Variants in OPCML observed in about 807,000 individuals in gnomAD.
OPCML encodes opioid binding protein/cell adhesion molecule like, also known as opioid-binding protein/cell adhesion molecule.
Under a neutral mutation model 37.8 loss-of-function variants are expected in OPCML, and 13 were observed. The ratio of observed to expected loss-of-function variants is 0.34; its 90% CI spans 0.22 to 0.55. OPCML has a LOEUF of 0.55. Ranked by LOEUF, OPCML falls within the 20% of genes least tolerant of loss-of-function variation. The probability of loss-of-function intolerance (pLI) is 0.91; values close to 1 mark genes in which losing one functional copy is unlikely to be tolerated. For synonymous variants in OPCML, 176 were observed against 168.8 expected (o/e 1.04, Z -0.33); for missense variants, 341 against 435.6 (o/e 0.78, Z 1.93).
At chr11:132,537,644 T>C (rs555508601) in intron 3 of OPCML, among the ~76,000 whole-genome samples, 2 of 152,102 alleles carry the variant, frequency 1.3e-5, no homozygotes, top group African/African-American at 4.8e-5. Flanking sequence ...GAAAAGAAAA[T>C]CCACAAAATA....
At chr11:132,429,063 G>A (rs867101068) in intron 7 of OPCML, among the ~76,000 whole-genome samples, 2 of 151,506 alleles carry the variant, frequency 1.3e-5, no homozygotes, top group Non-Finnish European at 2.9e-5. Context: ...ATGGATGGAT[G>A]GATGGATGGA....
intron 2 of OPCML, among the ~76,000 whole-genome samples, chr11:132,922,594 C>T (rs1944844603): frequency 6.6e-6 from 1 of 152,104 alleles, no homozygotes; most frequent in South Asian, 2.1e-4. Flanking sequence ...AGCCAAAATT[C>T]TTCACTCTCC....
intron 1 of OPCML, among the ~76,000 whole-genome samples, chr11:133,356,930 A>G (rs1944304046): frequency 6.6e-6 from 1 of 152,226 alleles, no homozygotes. Context: ...CTTCCTTGTC[A>G]TCTTAGGAGC....
At chr11:133,524,568 A>T (rs1260765419) in intron 1 of OPCML, among the ~76,000 whole-genome samples, 2 of 152,234 alleles carry the variant, frequency 1.3e-5, no homozygotes, top group African/African-American at 2.4e-5. Flanking sequence ...TTTAGTTTGT[A>T]TTAAACCAAT....
chr11:132,946,573 C>A (rs140424195), intron 1 of OPCML, among the ~76,000 whole-genome samples: 78 of 152,250 alleles, frequency 5.1e-4, no homozygotes, highest in African/African-American at 1.9e-3. Flanking sequence ...CCACTGTAAT[C>A]TTTTCTATAC....
chr11:132,768,758 T>C (rs951337143), intron 2 of OPCML, among the ~76,000 whole-genome samples: 2 of 152,052 alleles, frequency 1.3e-5, no homozygotes, highest in Non-Finnish European at 2.9e-5. Context: ...CACCCTCTGC[T>C]CTGAGTGCCA....
At chr11:132,698,930 A>G (rs964531070) in intron 2 of OPCML, among the ~76,000 whole-genome samples, 1 of 152,140 alleles carries the variant, frequency 6.6e-6, no homozygotes, top group Non-Finnish European at 1.5e-5. Context: ...TAAAGATTGC[A>G]TTGAAATTGT....
chr11:133,329,591 G>T (rs926960685), intron 1 of OPCML, among the ~76,000 whole-genome samples: 1 of 152,168 alleles, frequency 6.6e-6, no homozygotes, highest in Non-Finnish European at 1.5e-5. Flanking sequence ...ATGGGGAAAG[G>T]ATTACCTATT....
intron 2 of OPCML, among the ~76,000 whole-genome samples, chr11:132,781,675 C>T (rs1258539313): frequency 1.3e-5 from 2 of 151,042 alleles, no homozygotes; most frequent in East Asian, 3.9e-4. Flanking sequence ...GGGGTGTTCA[C>T]ACCTGGATGA....
intron 2 of OPCML, among the ~76,000 whole-genome samples, chr11:132,705,974 A>C (rs1248548328): frequency 2.0e-5 from 3 of 151,860 alleles, no homozygotes; most frequent in Admixed American, 6.6e-5. Flanking sequence ...CGCCCAGCTA[A>C]TTTTTGTATC....
intron 2 of OPCML, among the ~76,000 whole-genome samples, chr11:132,841,415 T>G (rs911441048): frequency 2.0e-5 from 3 of 152,168 alleles, no homozygotes; most frequent in Admixed American, 6.5e-5. Flanking sequence ...TCTAGCCCAC[T>G]GTAGAGGGCC....
chr11:133,143,896 C>A (rs1949860590), intron 1 of OPCML, among the ~76,000 whole-genome samples: 1 of 152,120 alleles, frequency 6.6e-6, no homozygotes, highest in Non-Finnish European at 1.5e-5. Flanking sequence ...TTCTAAGAGG[C>A]AGGAAGAGGT....
At chr11:133,305,969 G>A (rs1056062502) in intron 1 of OPCML, among the ~76,000 whole-genome samples, 47 of 152,158 alleles carry the variant, frequency 3.1e-4, no homozygotes, top group African/African-American at 8.4e-4. Flanking sequence ...CCTTCACATC[G>A]TTATTTCAAC....
intron 1 of OPCML, among the ~76,000 whole-genome samples, chr11:133,032,937 G>A (rs1407620277): frequency 6.6e-6 from 1 of 152,086 alleles, no homozygotes; most frequent in East Asian, 1.9e-4. Flanking sequence ...TCTCAGCACT[G>A]CAATGAGGAT....
intron 1 of OPCML, among the ~76,000 whole-genome samples, chr11:133,304,612 A>T (rs1942865325): frequency 6.6e-6 from 1 of 152,154 alleles, no homozygotes; most frequent in Admixed American, 6.5e-5. Flanking sequence ...CCCTGCTCCC[A>T]TACCCAATGC....
intron 1 of OPCML, among the ~76,000 whole-genome samples, chr11:133,225,822 A>G (rs1175211952): frequency 2.0e-5 from 3 of 152,204 alleles, no homozygotes; most frequent in African/African-American, 7.2e-5. Context: ...TTAATTAGGA[A>G]AAGGATGGAT....
intron 1 of OPCML, among the ~76,000 whole-genome samples, chr11:133,349,362 G>A (rs1376860036): frequency 6.6e-6 from 1 of 152,162 alleles, no homozygotes; most frequent in Non-Finnish European, 1.5e-5. Flanking sequence ...TGCTTAGATA[G>A]CATTGTGCTC....
chr11:133,531,317 A>C (rs2120774282), intron 1 of OPCML, among the ~76,000 whole-genome samples: 1 of 152,310 alleles, frequency 6.6e-6, no homozygotes, highest in South Asian at 2.1e-4. Context: ...GGATTGCAGC[A>C]TCTTACCTGT....
intron 3 of OPCML, among the ~76,000 whole-genome samples, chr11:132,582,149 TGA>T (rs1378357240): frequency 8.5e-5 from 11 of 129,680 alleles, no homozygotes; most frequent in Non-Finnish European, 1.4e-4. Context: ...TGTGTGTGTG[TGA>T]AACAGAGAGA....
Sources: allele counts gnomAD v4.1 joint callset (sites outside exome capture counted in the v4.1 genomes callset), GRCh38; gene constraint gnomAD v4.1.1; transcripts MANE v1.5; gene names NCBI Gene and HGNC (gene_info 2026-07-23, HGNC 2026-07-21).